Variants in LUZP2 observed in about 807,000 individuals in gnomAD.
LUZP2 encodes the protein leucine zipper protein 2.
A neutral mutation model predicts 51.6 loss-of-function variants in LUZP2; 52 were observed. The ratio of observed to expected loss-of-function variants is 1.01; its 90% CI spans 0.81 to 1.27. LUZP2 has a LOEUF of 1.27. Ranked by LOEUF, LUZP2 falls within the 50% of genes most tolerant of loss-of-function variation. The pLI is 0.00. For synonymous variants in LUZP2, 154 were observed against 137.3 expected (o/e 1.12, Z -0.85); for missense variants, 436 against 395.4 (o/e 1.10, Z -0.87).
chr11:24,671,151 A>G (rs1000466761), intron 1 of LUZP2, among the ~76,000 whole-genome samples: 3 of 151,908 alleles, frequency 2.0e-5, no homozygotes, highest in Non-Finnish European at 4.4e-5. Flanking sequence ...GATAGAAATG[A>G]CATATTTTTG....
chr11:24,712,978 G>A (rs530614347), intron 1 of LUZP2, among the ~76,000 whole-genome samples: 53 of 152,226 alleles, frequency 3.5e-4, no homozygotes, highest in African/African-American at 1.0e-3. Context: ...CTTTGACTAC[G>A]TATGTGAGAG....
At chr11:24,589,639 T>A (rs1853191678) in intron 1 of LUZP2, among the ~76,000 whole-genome samples, 2 of 152,200 alleles carry the variant, frequency 1.3e-5, no homozygotes, top group Admixed American at 1.3e-4. Flanking sequence ...GGTTACAATT[T>A]TTTTAAGGAA....
At chr11:25,049,714 A>G (rs1181176039) in intron 9 of LUZP2, among the ~76,000 whole-genome samples, 2 of 152,114 alleles carry the variant, frequency 1.3e-5, no homozygotes, top group Non-Finnish European at 2.9e-5. Context: ...CAGGATATAT[A>G]CTTTGTGGGG....
chr11:24,966,314 C>T (rs1335022714), intron 7 of LUZP2, among the ~76,000 whole-genome samples: 3 of 151,282 alleles, frequency 2.0e-5, no homozygotes, highest in African/African-American at 7.3e-5. Context: ...GTTTTGGATT[C>T]GAGTCCTTTC....
At chr11:24,979,866 A>G (rs1202166684) in intron 8 of LUZP2, among the ~76,000 whole-genome samples, 2 of 151,966 alleles carry the variant, frequency 1.3e-5, no homozygotes, top group Non-Finnish European at 2.9e-5. Context: ...ACAGACTCCA[A>G]TGACTGAGTA....
Position 24,516,739 on chromosome 11 carries a change from T to A in LUZP2, c.62+19434T>A, listed in dbSNP as rs1181093442. 1.5e-4 allele frequency among the ~76,000 whole-genome samples: 23 copies of A among 152,270 alleles called. No individual in the cohort carries two copies. The East Asian group carries it at 4.4e-3, about 29-fold the overall frequency. ...GGTGCTGTGTAGTCATTTGTAATAT[T>A]TTACAAAACAATGTAGGTAAGGAAG... On this transcript the variant is annotated intron_variant, in intron 1 of 11. Transcript: ENST00000336930.
At chr11:24,556,497 ATTTAC>A (rs916798136) in intron 1 of LUZP2, among the ~76,000 whole-genome samples, 8 of 152,152 alleles carry the variant, frequency 5.3e-5, no homozygotes, top group Admixed American at 2.0e-4. Flanking sequence ...GAGAAACTGT[ATTTAC>A]TTAATGATGA....
intron 1 of LUZP2, among the ~76,000 whole-genome samples, chr11:24,608,366 A>T (rs530671563): frequency 6.6e-6 from 1 of 152,330 alleles, no homozygotes; most frequent in South Asian, 2.1e-4. Flanking sequence ...AGTGGTTTTA[A>T]TAAAACTTTT....
At chr11:24,590,590 G>T (rs1280349944) in intron 1 of LUZP2, among the ~76,000 whole-genome samples, 3 of 152,080 alleles carry the variant, frequency 2.0e-5, no homozygotes, top group South Asian at 2.1e-4. Flanking sequence ...AATCTGTAAA[G>T]ATTTGTCCTC....
At chr11:24,968,603 A>G (rs1855655376) in intron 7 of LUZP2, among the ~76,000 whole-genome samples, 1 of 152,162 alleles carries the variant, frequency 6.6e-6, no homozygotes, top group African/African-American at 2.4e-5. Context: ...ATAATTTATT[A>G]CCCTGGTATG....
At chr11:24,854,104 C>A (rs1284798251) in intron 5 of LUZP2, among the ~76,000 whole-genome samples, 1 of 152,214 alleles carries the variant, frequency 6.6e-6, no homozygotes, top group Non-Finnish European at 1.5e-5. Flanking sequence ...GTGTCAGGGA[C>A]CCATTTGAGG....
intron 5 of LUZP2, among the ~76,000 whole-genome samples, chr11:24,821,490 A>T (rs1214102564): frequency 6.6e-6 from 1 of 152,082 alleles, no homozygotes; most frequent in African/African-American, 2.4e-5. Context: ...GTTTCAGCTG[A>T]TACTGAGCTT....
At chr11:24,815,885 G>T (rs932057850) in intron 5 of LUZP2, among the ~76,000 whole-genome samples, 21 of 151,934 alleles carry the variant, frequency 1.4e-4, no homozygotes, top group Non-Finnish European at 2.6e-4. Context: ...TACTTAAACT[G>T]TTTAATCACT....
chr11:25,018,049 T>TATTGTTTTG lies in LUZP2; in HGVS notation c.766-31989_766-31988insATTGTTTTG, dbSNP rs1554955736. 6.9e-3 allele frequency among the ~76,000 whole-genome samples: 701 copies of TATTGTTTTG among 100,926 alleles called. 4 individuals carry two copies. The highest frequency in any genetic ancestry group is 0.022 in the African/African-American group (668 of 30,128). 66.2% of individuals were successfully genotyped at this position (100,926 alleles called of 152,430 possible). Reference sequence around the variant, plus strand: ...ATTTTTTGTTTCTGTTTTTTTTTTGTTTTTTTTTTTGCAGCTGTTTTAAAA... The same window carrying TATTGTTTTG: ...ATTTTTTGTTTCTGTTTTTTTTTTGTATTGTTTTGTTTTTTTTTTGCAGCTGTTTTAAAA... On this transcript the variant is annotated intron_variant, in intron 9 of 11. Coordinates refer to ENST00000336930, the MANE Select transcript of LUZP2 (RefSeq NM_001009909.4).
intron 9 of LUZP2, among the ~76,000 whole-genome samples, chr11:25,042,662 T>A (rs1858106581): frequency 6.6e-6 from 1 of 152,140 alleles, no homozygotes; most frequent in South Asian, 2.1e-4. Flanking sequence ...GGACTATACT[T>A]CCTCTAGGGT....
intron 9 of LUZP2, among the ~76,000 whole-genome samples, chr11:25,044,176 T>C (rs1312916473): frequency 2.4e-5 from 1 of 41,010 alleles, no homozygotes; most frequent in African/African-American, 6.0e-5. Context: ...TCTCTATATA[T>C]ACACACACAC....
rs115026742 is a variant in LUZP2, at chr11:24,520,499, A to G, written c.62+23194A>G. 9.9e-3 allele frequency among the ~76,000 whole-genome samples: 1,501 copies of G among 152,318 alleles called. 21 individuals carry two copies. Among genetic ancestry groups the G allele is most frequent in the African/African-American group, 0.034 (1,418 of 41,564 alleles). On this transcript the variant is annotated intron_variant, in intron 1 of 11. Transcript: ENST00000336930. ...TGTATAATTATTGCACTTGTACAGA[A>G]GAATCTTCTCATGTAAATTTAAATT...
At chr11:24,684,285 A>T (rs1485110164) in intron 1 of LUZP2, among the ~76,000 whole-genome samples, 1 of 152,192 alleles carries the variant, frequency 6.6e-6, no homozygotes, top group Admixed American at 6.5e-5. Context: ...GAAAAAAAAT[A>T]AACTTTTTAA....
intron 9 of LUZP2, among the ~76,000 whole-genome samples, chr11:25,042,107 T>G (rs574476712): frequency 4.6e-5 from 7 of 152,140 alleles, no homozygotes; most frequent in Non-Finnish European, 1.0e-4. Flanking sequence ...AGGAAAAAAC[T>G]TCATATATCA....
Sources: gnomAD v4.1 joint callset for allele counts (sites outside exome capture counted in the v4.1 genomes callset) on GRCh38, gnomAD v4.1.1 for gene constraint, MANE v1.5 for transcripts, NCBI Gene and HGNC (gene_info 2026-07-23, HGNC 2026-07-21) for gene names.